The following CNOT4 variants were observed in gnomAD, a reference collection of about 807,000 sequenced individuals.
CNOT4 encodes CCR4-associated factor 4.
A neutral mutation model predicts 73.8 loss-of-function variants in CNOT4; 8 were observed. The ratio of observed to expected loss-of-function variants is 0.11; its 90% CI spans 0.06 to 0.20. The LOEUF (loss-of-function observed/expected upper bound fraction) is 0.20. Ranked by LOEUF, CNOT4 falls within the 10% of genes least tolerant of loss-of-function variation. CNOT4 has a pLI of 1.00. For missense variants in CNOT4, 564 were observed against 883.4 expected (o/e 0.64, Z 4.58); for synonymous variants, 293 against 321.1 (o/e 0.91, Z 0.94).
At chr7:135,497,501 TG>T (rs1244025584) in intron 1 of CNOT4, among the ~76,000 whole-genome samples, 1 of 152,156 alleles carries the variant, frequency 6.6e-6, no homozygotes, top group Non-Finnish European at 1.5e-5. Context: ...AGGTTCTGTT[TG>T]GGTTGCTTAA....
intron 1 of CNOT4, among the ~76,000 whole-genome samples, chr7:135,451,591 C>T (rs1161839780): frequency 6.6e-6 from 1 of 152,246 alleles, no homozygotes; most frequent in African/African-American, 2.4e-5. Context: ...CCACACCCAG[C>T]CAACTGTTTT....
At chr7:135,494,871 T>C (rs1424092655) in intron 1 of CNOT4, among the ~76,000 whole-genome samples, 2 of 152,256 alleles carry the variant, frequency 1.3e-5, no homozygotes, top group South Asian at 2.1e-4. Flanking sequence ...GTTTGCATTA[T>C]TAAATTCTTT....
chr7:135,500,698 C>T (rs1803902224), intron 1 of CNOT4, among the ~76,000 whole-genome samples: 1 of 152,110 alleles, frequency 6.6e-6, no homozygotes, highest in Admixed American at 6.6e-5. Flanking sequence ...ATATTTAATG[C>T]CCTACTTCAT....
intron 1 of CNOT4, among the ~76,000 whole-genome samples, chr7:135,460,159 T>C (rs1451365282): frequency 6.6e-6 from 1 of 152,238 alleles, no homozygotes; most frequent in Non-Finnish European, 1.5e-5. Flanking sequence ...TGGTTTCATC[T>C]TCTAGGCAGA....
At chr7:135,409,482 T>A (rs1797477882) in intron 7 of CNOT4, among the ~76,000 whole-genome samples, 1 of 152,122 alleles carries the variant, frequency 6.6e-6, no homozygotes, top group Admixed American at 6.6e-5. Context: ...TTAAATAATC[T>A]TTACTCTTAA....
At chr7:135,432,889 G>T (rs202149771) in intron 2 of CNOT4, among the ~76,000 whole-genome samples, 1 of 152,158 alleles carries the variant, frequency 6.6e-6, no homozygotes, top group Non-Finnish European at 1.5e-5. Flanking sequence ...AATCTGAAAC[G>T]ATTCGGATTC....
At chr7:135,499,791 T>A (rs1179986057) in intron 1 of CNOT4, among the ~76,000 whole-genome samples, 1 of 152,108 alleles carries the variant, frequency 6.6e-6, no homozygotes, top group African/African-American at 2.4e-5. Flanking sequence ...AGATGGATAA[T>A]CCTTCTCAAG....
intron 1 of CNOT4, among the ~76,000 whole-genome samples, chr7:135,476,394 T>C (rs902830597): frequency 6.6e-6 from 1 of 152,236 alleles, no homozygotes; most frequent in Non-Finnish European, 1.5e-5. Flanking sequence ...GAAGTTCATT[T>C]TACGTCCCTG....
At chr7:135,370,524 C>A (rs1158193606) in intron 10 of CNOT4, among the ~76,000 whole-genome samples, 1 of 152,178 alleles carries the variant, frequency 6.6e-6, no homozygotes, top group Non-Finnish European at 1.5e-5. Context: ...CACACCATGC[C>A]GTGCCATCGA....
chr7:135,464,986 T>C (rs1376124956), intron 1 of CNOT4, among the ~76,000 whole-genome samples: 2 of 152,186 alleles, frequency 1.3e-5, no homozygotes, highest in Admixed American at 1.3e-4. Flanking sequence ...AGAATCTGAA[T>C]TAGAGTACTT....
chr7:135,393,643 G>T (rs187567413), intron 10 of CNOT4, among the ~76,000 whole-genome samples: 21 of 151,828 alleles, frequency 1.4e-4, no homozygotes, highest in African/African-American at 5.1e-4. Flanking sequence ...TTTTCATTTT[G>T]CATTTGTATA....
chr7:135,484,223 A>G (rs774899507), intron 1 of CNOT4, among the ~76,000 whole-genome samples: 1 of 152,084 alleles, frequency 6.6e-6, no homozygotes, highest in Non-Finnish European at 1.5e-5. Context: ...TAATTTAAAA[A>G]AGAAAAATAG....
chr7:135,398,066 T>C (rs1179328296), intron 8 of CNOT4, 103 bp downstream of exon 8: 1 of 707,828 alleles, frequency 1.4e-6, no homozygotes, highest in African/African-American at 1.8e-5. Context: ...AAAAGTGTTT[T>C]TAAATTGTGT....
intron 1 of CNOT4, among the ~76,000 whole-genome samples, chr7:135,444,144 A>T (rs1021031918): frequency 1.3e-4 from 20 of 149,534 alleles, no homozygotes; most frequent in East Asian, 5.9e-4. Flanking sequence ...CTGTTTCAAA[A>T]AATAATAATA....
intron 9 of CNOT4, 145 bp from the exon 10 acceptor site, chr7:135,394,560 CAT>C: frequency 3.0e-6 from 2 of 674,668 alleles, no homozygotes; most frequent in East Asian, 5.3e-5. Context: ...ACATTAAGAT[CAT>C]ATAATTACAA....
chr7:135,501,405 C>A (rs1444418789), intron 1 of CNOT4, among the ~76,000 whole-genome samples: 1 of 152,158 alleles, frequency 6.6e-6, no homozygotes, highest in East Asian at 1.9e-4. Flanking sequence ...TTCCTCAGTT[C>A]TCTACTCTTC....
chr7:135,406,272 C>A (rs1458470323), intron 7 of CNOT4, among the ~76,000 whole-genome samples: 1 of 151,478 alleles, frequency 6.6e-6, no homozygotes, highest in Non-Finnish European at 1.5e-5. Flanking sequence ...ATTTAGGTAA[C>A]CGCATTAAAA....
intron 3 of CNOT4, among the ~76,000 whole-genome samples, 166 bp from the exon 4 acceptor site, chr7:135,415,428 T>C (rs1051029394): frequency 7.2e-5 from 11 of 152,138 alleles, no homozygotes; most frequent in African/African-American, 2.4e-4. Context: ...AGCTAACCTA[T>C]AGGAAATCAA....
chr7:135,483,900 C>T (rs1383049669), intron 1 of CNOT4, among the ~76,000 whole-genome samples: 2 of 152,160 alleles, frequency 1.3e-5, no homozygotes, highest in Non-Finnish European at 2.9e-5. Context: ...ACAAAAAAAC[C>T]TATAGCTAGG....
Sources: allele counts gnomAD v4.1 joint callset (sites outside exome capture counted in the v4.1 genomes callset), GRCh38; gene constraint gnomAD v4.1.1; transcripts MANE v1.5; gene names NCBI Gene and HGNC (gene_info 2026-07-23, HGNC 2026-07-21).